KIAA1549: variants seen among roughly 807,000 people sequenced by gnomAD.
The protein encoded by KIAA1549 is KIAA1549, also known as UPF0606 protein KIAA1549.
Under a neutral mutation model 156.4 loss-of-function variants are expected in KIAA1549, and 70 were observed. That is an observed-to-expected ratio of 0.45 (90% CI 0.37 to 0.55). The LOEUF is 0.55. Ranked by LOEUF, KIAA1549 falls within the 20% of genes least tolerant of loss-of-function variation. The pLI is 0.00. For missense variants in KIAA1549, 2,428 were observed against 2,540.9 expected (o/e 0.96, Z 0.96); for synonymous variants, 1,103 against 1,066.4 (o/e 1.03, Z -0.67).
At chr7:138,902,678 G>A (rs746390927) in intron 8 of KIAA1549, among the ~76,000 whole-genome samples, 7 of 152,046 alleles carry the variant, frequency 4.6e-5, no homozygotes, top group African/African-American at 7.2e-5. Flanking sequence ...CTCCGGTGGC[G>A]GGTACCTGTA....
chr7:138,964,334 G>A (rs567518098), intron 1 of KIAA1549, among the ~76,000 whole-genome samples: 1 of 152,190 alleles, frequency 6.6e-6, no homozygotes, highest in Non-Finnish European at 1.5e-5. Flanking sequence ...AGGAGACCGT[G>A]GCTGGGGGTG....
chr7:138,951,623 C>A (rs2774972), intron 1 of KIAA1549, among the ~76,000 whole-genome samples: 38,821 of 152,006 alleles, frequency 0.26, 5,852 homozygotes, highest in African/African-American at 0.42. Context: ...CCCCATAAAA[C>A]TAGTGATTTA....
chr7:138,882,832 T>C lies in KIAA1549; in HGVS notation c.4033-1248A>G, dbSNP rs190580183. Reference sequence around the variant, plus strand: ...AACGTGCCCCACTCAAACCAGTGGATGCAGGATTCCTCTCCAGGGATACAA... The same window carrying C: ...AACGTGCCCCACTCAAACCAGTGGACGCAGGATTCCTCTCCAGGGATACAA... On this transcript the variant is annotated intron_variant, in intron 10 of 19. Coordinates refer to ENST00000422774, the MANE Select transcript of KIAA1549 (RefSeq NM_001164665.2). Among the ~76,000 whole-genome samples the C allele has an allele frequency of 3.2e-3, 483 of 152,102 alleles. 4 individuals are homozygous for C. Among genetic ancestry groups the C allele is most frequent in the African/African-American group, 0.011 (464 of 41,482 alleles).
At position 138,918,427 on chromosome 7, in the gene KIAA1549, G is replaced by C. The variant is rs1812421420; in HGVS notation, c.1199C>G (p.Pro400Arg). ...GATATGAGTGTTGTCCACAGGACCG[G>C]GGAGGGCTGAATTGCTATGCAATTC... ...TSELHSNSAL[P>R]GPVDNTHILS... is the part of the protein sequence containing the mutation. Residue 400 changes from proline (P) to arginine (R), a missense_variant, in exon 2 of 20, where the codon CCC becomes CGC. Pro to Arg is a moderately radical substitution (Grantham distance 103). Coordinates refer to ENST00000422774, the MANE Select transcript of KIAA1549 (RefSeq NM_001164665.2). This position sits in a 1 kb window ranked among gnomAD's most constrained non-coding sequence, Gnocchi z 4.2. The C allele has an allele frequency of 2.5e-6, 4 of 1,613,998 alleles. No individual in the cohort carries two copies. Among genetic ancestry groups the C allele is most frequent in the Admixed American group, 3.3e-5 (2 of 60,024 alleles).
chr7:138,885,614 C>T (rs1270834185), intron 10 of KIAA1549, among the ~76,000 whole-genome samples: 1 of 152,216 alleles, frequency 6.6e-6, no homozygotes, highest in Non-Finnish European at 1.5e-5. Flanking sequence ...AATCTGACCG[C>T]CTTGGGCCAT....
chr7:138,880,502 G>T (rs904586799), intron 11 of KIAA1549, among the ~76,000 whole-genome samples: 14 of 152,286 alleles, frequency 9.2e-5, no homozygotes, highest in African/African-American at 3.4e-4. Flanking sequence ...AACCCCTGGG[G>T]TAGGTTTCCT....
chr7:138,900,878 C>T (rs923086176), intron 8 of KIAA1549, among the ~76,000 whole-genome samples: 22 of 152,240 alleles, frequency 1.4e-4, no homozygotes, highest in Non-Finnish European at 2.9e-5. Flanking sequence ...TTTGTATAGC[C>T]TGAAGAACCA....
In KIAA1549 at chr7:138,833,980, G is replaced by A. The variant is rs1809626119; in HGVS notation, c.*3926C>T. On this transcript the variant is annotated 3_prime_UTR_variant, in exon 20 of 20. Coordinates refer to ENST00000422774, the MANE Select transcript of KIAA1549 (RefSeq NM_001164665.2). ...AGATCAAGATCAAGTTCATTTCAGT[G>A]ACAGCTTCACTCCTTCCCTACAGCC... 1 of 230,918 alleles carries A rather than the reference G, an allele frequency of 4.3e-6. No individual in the cohort carries two copies. The highest frequency in any genetic ancestry group is 8.6e-6 in the Non-Finnish European group (1 of 116,578). The allele number at this position is 230,918 out of a possible 1,614,324, so 14.3% of individuals were successfully genotyped here.
intron 1 of KIAA1549, among the ~76,000 whole-genome samples, chr7:138,928,928 A>G (rs1371998530): frequency 6.6e-6 from 1 of 152,220 alleles, no homozygotes; most frequent in Non-Finnish European, 1.5e-5. Flanking sequence ...AAAAAAATGT[A>G]CACATCTTAA....
In KIAA1549 at chr7:138,918,470, C is replaced by T. The variant is rs566170382; in HGVS notation, c.1156G>A (p.Asp386Asn). Residue 386 changes from aspartate (D) to asparagine (N), a missense_variant, in exon 2 of 20, where the codon GAC (aspartate) becomes AAC (asparagine). Physicochemically the swap from Asp to Asn is conservative, Grantham distance 23. This residue lies in a region of KIAA1549 where 893 missense variants were observed against 847.9 expected (regional missense o/e 1.05). Coordinates refer to ENST00000422774, the MANE Select transcript of KIAA1549 (RefSeq NM_001164665.2). This position sits in a 1 kb window ranked among gnomAD's most constrained non-coding sequence, Gnocchi z 4.2. The part of the protein sequence containing the change: ...DVSSNPFLPS[D>N]SSKTSELHSN... ...TGCAATTCGGATGTTTTGCTGGAGT[C>T]GCTAGGGAGAAAGGGGTTAGATGAA... is the stretch of plus-strand genomic sequence containing the variant. 151 of 1,613,860 alleles carry T rather than the reference C, an allele frequency of 9.4e-5. No homozygotes were observed. The highest frequency in any genetic ancestry group is 3.8e-4 in the Admixed American group (23 of 60,006).
intron 1 of KIAA1549, among the ~76,000 whole-genome samples, chr7:138,928,937 A>C (rs1812796932): frequency 6.6e-6 from 1 of 152,240 alleles, no homozygotes; most frequent in Non-Finnish European, 1.5e-5. Context: ...TACACATCTT[A>C]ACTAAAAATA....
rs138948832 is a variant in KIAA1549 at position 138,871,615 on chromosome 7, G to T, written c.4346-253C>A. ...GACGTGAGGAAATCATTATGATACT[G>T]TGTGAAAAACTGCACTGTTTTGTCT... is the stretch of plus-strand genomic sequence containing the variant. On this transcript the variant is annotated intron_variant, in intron 12 of 19. Coordinates refer to ENST00000422774, the MANE Select transcript of KIAA1549 (RefSeq NM_001164665.2). Among the ~76,000 whole-genome samples the T allele has an allele frequency of 1.4e-3, 214 of 152,342 alleles. 3 individuals are homozygous for T. Among genetic ancestry groups the T allele is most frequent in the Non-Finnish European group, 4.4e-4 (30 of 68,032 alleles).
chr7:138,947,219 T>C (rs191729862), intron 1 of KIAA1549, among the ~76,000 whole-genome samples: 112 of 152,316 alleles, frequency 7.4e-4, no homozygotes, highest in Non-Finnish European at 5.9e-4. Context: ...TAAAATATGA[T>C]GGAAAACAAG....
intron 16 of KIAA1549, among the ~76,000 whole-genome samples, chr7:138,857,301 A>G (rs1301960664): frequency 2.6e-5 from 4 of 152,200 alleles, no homozygotes; most frequent in Admixed American, 2.6e-4. Context: ...TATTTTAAAT[A>G]ATAGACCCTA....
rs543807854 is a variant in KIAA1549, at chr7:138,913,416, T to A, written c.2879-956A>T. Among the ~76,000 whole-genome samples the A allele has an allele frequency of 2.6e-5, 4 of 152,336 alleles. No individual in the cohort carries two copies. The South Asian group carries it at 8.3e-4, about 32-fold the overall frequency. The stretch of plus-strand genomic sequence containing the variant: ...GTTTTCATATTTTAAAAGTTCCATT[T>A]AAAAATCTATACTAATAAGTAAGCC... On this transcript the variant is annotated intron_variant, in intron 2 of 19. Transcript: ENST00000422774.
chr7:138,917,591 G>C lies in KIAA1549; in HGVS notation c.2035C>G (p.Gln679Glu). 6.2e-7 allele frequency: 1 copy of C among 1,613,914 alleles called. No individual in the cohort carries two copies. Among genetic ancestry groups the C allele is most frequent in the Non-Finnish European group, 8.5e-7 (1 of 1,179,876 alleles). The change falls in exon 2 of 20, where the codon CAG becomes GAG. Residue 679 changes from glutamine to glutamate, a missense_variant. Coordinates refer to ENST00000422774, the MANE Select transcript of KIAA1549 (RefSeq NM_001164665.2). ...TFTLFDSSDL[Q>E]SSQLSLPSST... ...CTGGGAAGAGACAGCTGAGATGACT[G>C]CAGATCACTAGAGTCAAACAATGTA...
At chr7:138,951,704 T>G (rs1025927828) in intron 1 of KIAA1549, among the ~76,000 whole-genome samples, 15 of 152,194 alleles carry the variant, frequency 9.9e-5, no homozygotes, top group African/African-American at 3.6e-4. Context: ...TCAGGGACAA[T>G]CTGAGTTCAT....
At chr7:138,864,675 G>A (rs747749328) in intron 15 of KIAA1549, among the ~76,000 whole-genome samples, 2 of 152,206 alleles carry the variant, frequency 1.3e-5, no homozygotes, top group African/African-American at 2.4e-5. Flanking sequence ...GCAAGAGGGT[G>A]ACCAGACAGC....
intron 7 of KIAA1549, 131 bp from the exon 8 acceptor site, chr7:138,903,867 G>A (rs1019341175): frequency 5.3e-5 from 36 of 678,788 alleles, no homozygotes; most frequent in Admixed American, 1.4e-4. Context: ...GCGCGCGCGC[G>A]CGCACATATG....
Sources: allele counts gnomAD v4.1 joint callset (sites outside exome capture counted in the v4.1 genomes callset), GRCh38; gene constraint gnomAD v4.1.1; regional missense constraint gnomAD v4.1.1; non-coding constraint Gnocchi (gnomAD v3.1); transcripts MANE v1.5; gene names NCBI Gene and HGNC (gene_info 2026-07-23, HGNC 2026-07-21).